TTC17: variants seen among roughly 807,000 people sequenced by gnomAD.
The protein encoded by TTC17 is tetratricopeptide repeat protein 17.
In TTC17, 58 loss-of-function variants were observed where a neutral mutation model predicts 143.8. The ratio of observed to expected loss-of-function variants is 0.40; its 90% CI spans 0.33 to 0.50. The LOEUF (loss-of-function observed/expected upper bound fraction) is 0.50, where lower values mean the gene tolerates loss of function less well. Ranked by LOEUF, TTC17 falls within the 20% of genes least tolerant of loss-of-function variation. TTC17 has a pLI of 0.49. For missense variants in TTC17, 1,273 were observed against 1,392.5 expected (o/e 0.91, Z 1.37); for synonymous variants, 501 against 497.8 (o/e 1.01, Z -0.09).
chr11:43,407,184 T>C lies in TTC17; in HGVS notation c.1808T>C (p.Ile603Thr). Residue 603 changes from isoleucine to threonine, a missense_variant, in exon 14 of 24, where the codon ATT becomes ACT. This residue lies in a region of TTC17 where 878 missense variants were observed against 899.8 expected (regional missense o/e 0.98). Coordinates refer to ENST00000039989, the MANE Select transcript of TTC17 (RefSeq NM_018259.6). ...AACTATACTATCCCAGAAGAAGAAA[T>C]TGGGTCTTTCTTATTTCATGCTATT... is the stretch of plus-strand genomic sequence containing the variant. ...INNYTIPEEE[I>T]GSFLFHAINK... 1.9e-6 allele frequency: 3 copies of C among 1,599,286 alleles called. No individual in the cohort carries two copies. The highest frequency in any genetic ancestry group is 2.6e-6 in the Non-Finnish European group (3 of 1,175,320).
intron 2 of TTC17, among the ~76,000 whole-genome samples, chr11:43,381,985 C>T (rs1856987283): frequency 6.6e-6 from 1 of 152,098 alleles, no homozygotes; most frequent in Non-Finnish European, 1.5e-5. Context: ...GGCAGTTGGT[C>T]CTTCTAGTGC....
At chr11:43,391,355 T>C in intron 3 of TTC17, 110 bp from the exon 4 acceptor site, 2 of 702,868 alleles carry the variant, frequency 2.8e-6, no homozygotes, top group Non-Finnish European at 4.9e-6. Context: ...GCTGTGATCA[T>C]GCCACTGCAC....
intron 13 of TTC17, among the ~76,000 whole-genome samples, chr11:43,406,592 A>G (rs769547765): frequency 6.6e-5 from 10 of 152,040 alleles, no homozygotes; most frequent in Non-Finnish European, 1.5e-4. Flanking sequence ...TAATTTCAAA[A>G]CTATAGGCAC....
chr11:43,415,586 A>T (rs1378562913), intron 16 of TTC17, among the ~76,000 whole-genome samples: 2 of 152,164 alleles, frequency 1.3e-5, no homozygotes, highest in East Asian at 3.8e-4. Context: ...ATATTAGTTC[A>T]GCTCCTTCAC....
chr11:43,407,119 CT>C lies in TTC17; in HGVS notation c.1762-17del. ...CCCTGTTATTTTCAATTGAGTCAGT[CT>C]TCCTTTTGATGTTTCAGATTTTGCT... On this transcript the variant is annotated intron_variant, in intron 13 of 23. Coordinates refer to ENST00000039989, the MANE Select transcript of TTC17 (RefSeq NM_018259.6). 6.6e-7 allele frequency: 1 copy of C among 1,520,832 alleles called. No individual in the cohort carries two copies. 94.2% of individuals were successfully genotyped at this position (1,520,832 alleles called of 1,614,324 possible).
intron 1 of TTC17, among the ~76,000 whole-genome samples, chr11:43,362,949 G>A (rs189780396): frequency 2.6e-5 from 4 of 152,278 alleles, no homozygotes; most frequent in African/African-American, 4.8e-5. Flanking sequence ...GAGAAACCCC[G>A]TCTTCTTCTC....
At chr11:43,378,619 T>C (rs1468046670) in intron 1 of TTC17, among the ~76,000 whole-genome samples, 2 of 152,196 alleles carry the variant, frequency 1.3e-5, no homozygotes, top group African/African-American at 4.8e-5. Context: ...TGTAACATTT[T>C]GATATATGTT....
At chr11:43,428,491 C>A (rs1947079204) in intron 16 of TTC17, among the ~76,000 whole-genome samples, 1 of 152,190 alleles carries the variant, frequency 6.6e-6, no homozygotes, top group Non-Finnish European at 1.5e-5. Context: ...TCTAACACAG[C>A]CTACATGTCA....
chr11:43,421,967 A>G (rs1946916666), intron 16 of TTC17, among the ~76,000 whole-genome samples: 1 of 152,106 alleles, frequency 6.6e-6, no homozygotes, highest in Admixed American at 6.5e-5. Context: ...TTACATCTTA[A>G]CATAATTCCT....
At chr11:43,431,567 A>G (rs1947159054) in intron 16 of TTC17, among the ~76,000 whole-genome samples, 1 of 152,258 alleles carries the variant, frequency 6.6e-6, no homozygotes, top group Admixed American at 6.5e-5. Flanking sequence ...TATTTTAAAA[A>G]GATTACATTG....
intron 2 of TTC17, chr11:43,385,493 A>T (rs1197764079): frequency 6.6e-6 from 1 of 152,210 alleles, no homozygotes; most frequent in Non-Finnish European, 1.5e-5. Flanking sequence ...GAGAAAACTC[A>T]CAAAACTTTA....
intron 9 of TTC17, among the ~76,000 whole-genome samples, chr11:43,400,654 C>T (rs1270675200): frequency 6.6e-6 from 1 of 152,122 alleles, no homozygotes; most frequent in Non-Finnish European, 1.5e-5. Context: ...GAAATCCTCT[C>T]CAAAATTATA....
intron 22 of TTC17, 157 bp from the exon 23 acceptor site, chr11:43,491,863 A>C: frequency 2.4e-6 from 2 of 849,236 alleles, no homozygotes; most frequent in Non-Finnish European, 3.6e-6. Context: ...CACCTTATCT[A>C]TCACAGACCA....
At chr11:43,401,980 A>AAAACAAAT (rs80332628) in intron 10 of TTC17, among the ~76,000 whole-genome samples, 8 of 140,366 alleles carry the variant, frequency 5.7e-5, no homozygotes, top group Non-Finnish European at 1.1e-4. Flanking sequence ...TGTGTCTCAA[A>AAAACAAAT]AAATAAATAA....
chr11:43,477,835 C>T (rs998103974), intron 21 of TTC17, among the ~76,000 whole-genome samples: 2 of 151,852 alleles, frequency 1.3e-5, no homozygotes, highest in African/African-American at 4.8e-5. Context: ...GGGGGATAAG[C>T]AATTGATGAG....
At chr11:43,457,175 C>G (rs1380571980) in intron 21 of TTC17, among the ~76,000 whole-genome samples, 1 of 151,902 alleles carries the variant, frequency 6.6e-6, no homozygotes, top group African/African-American at 2.4e-5. Context: ...AGTTCCTTAT[C>G]TAGCATTAGG....
intron 1 of TTC17, among the ~76,000 whole-genome samples, chr11:43,363,913 A>G (rs1486208580): frequency 6.6e-6 from 1 of 152,204 alleles, no homozygotes; most frequent in Non-Finnish European, 1.5e-5. Context: ...CTTTATCTCC[A>G]TAGAATGTTT....
chr11:43,364,649 A>AT (rs1856258122), intron 1 of TTC17, among the ~76,000 whole-genome samples: 2 of 151,964 alleles, frequency 1.3e-5, no homozygotes, highest in Non-Finnish European at 2.9e-5. Context: ...CATTCAGTCC[A>AT]TTTTTTCAGA....
intron 9 of TTC17, 142 bp downstream of exon 9, chr11:43,400,190 C>A: frequency 1.1e-6 from 1 of 952,072 alleles, no homozygotes; most frequent in Non-Finnish European, 1.5e-6. Context: ...TGATTCATCA[C>A]TGTGGGTATA....
Sources: allele counts gnomAD v4.1 joint callset (sites outside exome capture counted in the v4.1 genomes callset), GRCh38; gene constraint gnomAD v4.1.1; regional missense constraint gnomAD v4.1.1; transcripts MANE v1.5; gene names NCBI Gene and HGNC (gene_info 2026-07-23, HGNC 2026-07-21).